RTN1: variants seen among roughly 807,000 people sequenced by gnomAD.
RTN1 encodes the protein reticulon-1.
Under a neutral mutation model 65.5 loss-of-function variants are expected in RTN1, and 25 were observed. The ratio of observed to expected loss-of-function variants is 0.38; its 90% CI spans 0.28 to 0.53. RTN1 has a LOEUF of 0.53. RTN1 is among the 20% of genes least tolerant of loss of function. RTN1 has a pLI of 0.79. For missense variants in RTN1, 983 were observed against 1,025.4 expected, an observed-to-expected ratio of 0.96 and a Z score of 0.57; for synonymous variants, 471 against 447.6, an observed-to-expected ratio of 1.05 and a Z score of -0.66.
chr14:59,741,289 G>GC (rs1370435578), intron 2 of RTN1, among the ~76,000 whole-genome samples: 21 of 152,132 alleles, frequency 1.4e-4, no homozygotes, highest in Admixed American at 1.4e-3. Flanking sequence ...TACATGACTT[G>GC]CTCCCTCACT....
intron 3 of RTN1, among the ~76,000 whole-genome samples, chr14:59,656,263 G>A (rs1385169672): frequency 6.0e-5 from 9 of 149,978 alleles, no homozygotes; most frequent in African/African-American, 2.0e-4. Flanking sequence ...TCTTTGGGGG[G>A]TAATGAAAAT....
intron 3 of RTN1, among the ~76,000 whole-genome samples, chr14:59,681,541 CTAA>C (rs1883745448): frequency 6.6e-6 from 1 of 152,132 alleles, no homozygotes; most frequent in Admixed American, 6.6e-5. Context: ...ATCTGGGTCA[CTAA>C]TACTCTGTAT....
At chr14:59,740,349 A>G (rs1413888291) in intron 2 of RTN1, among the ~76,000 whole-genome samples, 1 of 152,224 alleles carries the variant, frequency 6.6e-6, no homozygotes, top group African/African-American at 2.4e-5. Flanking sequence ...ATGTAACTCC[A>G]TGTGTGATTC....
rs188371672 is a variant in RTN1, at chr14:59,842,995, A to G, written c.241+27395T>C. Among the ~76,000 whole-genome samples, 5 of 152,342 alleles carry G rather than the reference A, an allele frequency of 3.3e-5. No individual in the cohort carries two copies. In the East Asian group the frequency reaches 7.7e-4, roughly 23 times the overall value. ...AGGTATACTCCTAGGTACATACTCA[A>G]GAGAAATGTTTCCACAGGTTCACAA... is the stretch of plus-strand genomic sequence containing the variant. On this transcript the variant is annotated intron_variant, in intron 1 of 8. Transcript: ENST00000267484.
chr14:59,714,414 T>G (rs1884490453), intron 3 of RTN1, among the ~76,000 whole-genome samples: 1 of 152,100 alleles, frequency 6.6e-6, no homozygotes, highest in Non-Finnish European at 1.5e-5. Context: ...GAAGGAATTT[T>G]TTGTTGTTGT....
At chr14:59,630,471 A>G (rs1426342917) in intron 3 of RTN1, 1 of 1,613,788 alleles carries the variant, frequency 6.2e-7, no homozygotes, top group South Asian at 1.1e-5. Context: ...TGCTCCACAC[A>G]CAGTCCATCT....
At chr14:59,844,095 C>T (rs1405084224) in intron 1 of RTN1, among the ~76,000 whole-genome samples, 1 of 152,072 alleles carries the variant, frequency 6.6e-6, no homozygotes, top group Non-Finnish European at 1.5e-5. Context: ...GGAGTGAGTC[C>T]TTTCTGGGAA....
chr14:59,610,572 TTAAC>T (rs887539642), intron 3 of RTN1, among the ~76,000 whole-genome samples: 5 of 152,228 alleles, frequency 3.3e-5, no homozygotes, highest in African/African-American at 1.2e-4. Flanking sequence ...TGAGATCTAA[TTAAC>T]TAACTCTTGC....
In RTN1 at chr14:59,829,741, G is replaced by C. The variant is rs1343806626; in HGVS notation, c.241+40649C>G. ...TGTGCTTCCACAAAGCAAGAGGAAG[G>C]AAATGTGGTGAAGCACATACTCACT... On this transcript the variant is annotated intron_variant, in intron 1 of 8. Transcript: ENST00000267484. This position sits in a 1 kb window ranked among gnomAD's most constrained non-coding sequence, Gnocchi z 4.3. Among the ~76,000 whole-genome samples the C allele has an allele frequency of 6.6e-6, 1 of 152,190 alleles. No homozygotes were observed. The highest frequency in any genetic ancestry group is 1.5e-5 in the Non-Finnish European group (1 of 68,034).
intron 3 of RTN1, among the ~76,000 whole-genome samples, chr14:59,621,075 C>T (rs1421635903): frequency 6.6e-6 from 1 of 152,160 alleles, no homozygotes; most frequent in Non-Finnish European, 1.5e-5. Context: ...TGTGTAAATG[C>T]CAATTTTTCA....
chr14:59,707,121 T>C (rs1884311839), intron 3 of RTN1, among the ~76,000 whole-genome samples: 2 of 152,218 alleles, frequency 1.3e-5, no homozygotes, highest in South Asian at 4.1e-4. Context: ...CCAAGGTCCA[T>C]CTAGCTCCAA....
intron 3 of RTN1, among the ~76,000 whole-genome samples, chr14:59,651,969 A>G (rs1016797171): frequency 2.6e-5 from 4 of 152,222 alleles, no homozygotes; most frequent in African/African-American, 9.6e-5. Flanking sequence ...ACCATTTATA[A>G]GGAACTTAAA....
intron 8 of RTN1, among the ~76,000 whole-genome samples, chr14:59,599,638 C>T (rs1246918430): frequency 6.6e-6 from 1 of 152,176 alleles, no homozygotes; most frequent in African/African-American, 2.4e-5. Flanking sequence ...CTGACTACCC[C>T]CACTAAAATC....
intron 1 of RTN1, among the ~76,000 whole-genome samples, chr14:59,815,666 AC>A (rs1308120227): frequency 2.0e-5 from 3 of 152,152 alleles, no homozygotes; most frequent in Admixed American, 2.0e-4. Flanking sequence ...TCACAGGAAC[AC>A]AAAGGTGCCT....
At chr14:59,821,362 A>T (rs562028111) in intron 1 of RTN1, among the ~76,000 whole-genome samples, 4 of 152,124 alleles carry the variant, frequency 2.6e-5, no homozygotes, top group Non-Finnish European at 5.9e-5. Flanking sequence ...CGTTGTTTCT[A>T]GTTTGTATCC....
intron 1 of RTN1, among the ~76,000 whole-genome samples, chr14:59,857,708 G>T (rs548075565): frequency 4.9e-4 from 75 of 152,250 alleles, no homozygotes; most frequent in African/African-American, 1.7e-3. Flanking sequence ...TATCCTCATT[G>T]AATTCATCTT....
chr14:59,645,853 A>C (rs1882884135), intron 3 of RTN1, among the ~76,000 whole-genome samples: 1 of 152,210 alleles, frequency 6.6e-6, no homozygotes, highest in Non-Finnish European at 1.5e-5. Context: ...GAGAACACCT[A>C]AATGCAGAGA....
intron 3 of RTN1, among the ~76,000 whole-genome samples, chr14:59,664,678 A>G (rs891574387): frequency 1.3e-5 from 2 of 152,172 alleles, no homozygotes; most frequent in Non-Finnish European, 2.9e-5. Context: ...TGCATGTATC[A>G]ACAGTTTGTT....
chr14:59,612,129 T>C (rs1452939339), intron 3 of RTN1, among the ~76,000 whole-genome samples: 2 of 152,216 alleles, frequency 1.3e-5, no homozygotes, highest in Non-Finnish European at 2.9e-5. Context: ...AGGTGACTAA[T>C]GTCTGTTTTG....
Sources: gnomAD v4.1 joint callset for allele counts (sites outside exome capture counted in the v4.1 genomes callset) on GRCh38, gnomAD v4.1.1 for gene constraint, Gnocchi (gnomAD v3.1) non-coding constraint, MANE v1.5 for transcripts, NCBI Gene and HGNC (gene_info 2026-07-23, HGNC 2026-07-21) for gene names.